The following NAV3 variants were observed in gnomAD, a reference collection of about 807,000 sequenced individuals.
NAV3 encodes neuron navigator 3, also known as pore membrane and/or filament interacting like protein 1.
A neutral mutation model predicts 244.7 loss-of-function variants in NAV3; 87 were observed. That is an observed-to-expected ratio of 0.36 (90% CI 0.30 to 0.42). The LOEUF (loss-of-function observed/expected upper bound fraction) is 0.42, where lower values mean the gene tolerates loss of function less well. Among genes scored for constraint, NAV3 ranks in the 20% least tolerant of loss-of-function variants. NAV3 has a pLI of 1.00. For synonymous variants in NAV3, 1,126 were observed against 1,042.2 expected (o/e 1.08, Z -1.55); for missense variants, 2,663 against 2,893.3 (o/e 0.92, Z 1.83).
chr12:78,120,933 T>A (rs1566164935), intron 15 of NAV3, among the ~76,000 whole-genome samples: 1 of 152,218 alleles, frequency 6.6e-6, no homozygotes, highest in Non-Finnish European at 1.5e-5. Context: ...CCTAAAGGCT[T>A]TATTCCTCCG....
At chr12:77,949,684 A>C (rs1363923786) in intron 3 of NAV3, among the ~76,000 whole-genome samples, 1 of 152,034 alleles carries the variant, frequency 6.6e-6, no homozygotes, top group Non-Finnish European at 1.5e-5. Context: ...TAATTAATAA[A>C]CATATATTGA....
intron 9 of NAV3, among the ~76,000 whole-genome samples, chr12:78,038,322 G>C (rs945877083): frequency 3.3e-5 from 5 of 152,084 alleles, no homozygotes; most frequent in Non-Finnish European, 5.9e-5. Flanking sequence ...TTCCACAAAG[G>C]GCTTCATATT....
At chr12:77,966,361 A>G (rs1333806061) in intron 4 of NAV3, 60 bp downstream of exon 4, 6 of 1,403,944 alleles carry the variant, frequency 4.3e-6, no homozygotes, top group African/African-American at 2.9e-5. Flanking sequence ...ATTATTTTTT[A>G]TAATGTAAGA....
At chr12:78,120,087 G>A (rs999808516) in intron 15 of NAV3, 142 bp downstream of exon 15, 4 of 469,958 alleles carry the variant, frequency 8.5e-6, no homozygotes, top group East Asian at 4.4e-5. Context: ...AAAGTACACA[G>A]TGAGCTCTAT....
intron 2 of NAV3, among the ~76,000 whole-genome samples, chr12:77,598,780 A>G (rs1870288358): frequency 6.6e-6 from 1 of 151,982 alleles, no homozygotes; most frequent in African/African-American, 2.4e-5. Flanking sequence ...TTTGCATACC[A>G]TATAATTGTC....
chr12:78,069,407 A>G lies in NAV3; in HGVS notation c.2636+10292A>G, dbSNP rs1285980433. Among the ~76,000 whole-genome samples the G allele has an allele frequency of 6.6e-5, 10 of 152,162 alleles. 1 individual carries two copies. In the South Asian group the frequency reaches 1.2e-3, roughly 19 times the overall value. Reference sequence around the variant, plus strand: ...AATCTGTAATCCTCTCATCCCAAAGACAACCAAGAATATTGCATTAAGATA... The same window carrying G: ...AATCTGTAATCCTCTCATCCCAAAGGCAACCAAGAATATTGCATTAAGATA... On this transcript the variant is annotated intron_variant, in intron 12 of 39. Transcript: ENST00000397909.
chr12:77,653,169 G>T (rs1476269), intron 2 of NAV3, among the ~76,000 whole-genome samples: 35,459 of 151,882 alleles, frequency 0.23, 6,174 homozygotes, highest in African/African-American at 0.49. Context: ...CTTGAGAATG[G>T]TATGTTCTAA....
chr12:77,777,609 A>G (rs1011359698), intron 2 of NAV3, among the ~76,000 whole-genome samples: 4 of 152,160 alleles, frequency 2.6e-5, no homozygotes, highest in Admixed American at 6.6e-5. Flanking sequence ...TTTTGAGCTG[A>G]GATTGACCAT....
At chr12:77,797,529 T>C (rs560001180) in intron 2 of NAV3, among the ~76,000 whole-genome samples, 1 of 146,336 alleles carries the variant, frequency 6.8e-6, no homozygotes, top group East Asian at 2.0e-4. Flanking sequence ...AAAAAGTTTT[T>C]TTTTTTTTTT....
At chr12:77,958,636 G>A (rs999914742) in intron 3 of NAV3, among the ~76,000 whole-genome samples, 9 of 152,076 alleles carry the variant, frequency 5.9e-5, no homozygotes, top group African/African-American at 2.2e-4. Flanking sequence ...ATGTATCCAT[G>A]CATTTGGATA....
intron 2 of NAV3, among the ~76,000 whole-genome samples, chr12:77,712,040 A>C (rs1876142590): frequency 1.3e-5 from 2 of 152,144 alleles, no homozygotes; most frequent in Admixed American, 1.3e-4. Context: ...CTGTCCTTTA[A>C]ACCCCAGGTC....
At chr12:77,604,496 G>A (rs756897982) in intron 2 of NAV3, among the ~76,000 whole-genome samples, 7 of 151,590 alleles carry the variant, frequency 4.6e-5, no homozygotes, top group African/African-American at 1.7e-4. Flanking sequence ...GCACAGAGCA[G>A]CCATAAATAT....
At chr12:78,051,976 A>G (rs973157002) in intron 11 of NAV3, among the ~76,000 whole-genome samples, 7 of 152,174 alleles carry the variant, frequency 4.6e-5, no homozygotes, top group African/African-American at 1.4e-4. Flanking sequence ...CCGGCTGGGA[A>G]CTAACGCTAG....
chr12:78,168,251 C>G (rs1183832718), intron 23 of NAV3, among the ~76,000 whole-genome samples: 1 of 151,598 alleles, frequency 6.6e-6, no homozygotes, highest in African/African-American at 2.4e-5. Context: ...GGGGTAAGTT[C>G]CAGGTTTTAC....
intron 12 of NAV3, among the ~76,000 whole-genome samples, chr12:78,111,969 G>A (rs914768999): frequency 4.6e-5 from 7 of 152,034 alleles, no homozygotes; most frequent in South Asian, 2.1e-4. Flanking sequence ...GGTGTTCCAC[G>A]TTGCAAACTA....
intron 1 of NAV3, among the ~76,000 whole-genome samples, chr12:77,840,045 C>T (rs1003061163): frequency 4.0e-5 from 6 of 151,794 alleles, no homozygotes; most frequent in Admixed American, 2.6e-4. Flanking sequence ...TGTACTCCAG[C>T]CTGGGGGATA....
chr12:77,808,269 A>T (rs1201207737), intron 2 of NAV3, among the ~76,000 whole-genome samples: 1 of 151,856 alleles, frequency 6.6e-6, no homozygotes, highest in Non-Finnish European at 1.5e-5. Flanking sequence ...TGGTTTTTGG[A>T]ATTTTCTGCC....
chr12:77,714,514 G>A (rs1876273447), intron 2 of NAV3, among the ~76,000 whole-genome samples: 1 of 152,032 alleles, frequency 6.6e-6, no homozygotes, highest in South Asian at 2.1e-4. Context: ...TCGAGGTTTG[G>A]TTTCATTCTT....
intron 2 of NAV3, among the ~76,000 whole-genome samples, chr12:77,574,410 G>T (rs1868981450): frequency 6.6e-6 from 1 of 152,110 alleles, no homozygotes; most frequent in Non-Finnish European, 1.5e-5. Flanking sequence ...AAATTGAAAG[G>T]TAACATCATA....
Sources: allele counts gnomAD v4.1 joint callset (sites outside exome capture counted in the v4.1 genomes callset), GRCh38; gene constraint gnomAD v4.1.1; transcripts MANE v1.5; gene names NCBI Gene and HGNC (gene_info 2026-07-23, HGNC 2026-07-21).